THSD7A: variants seen among roughly 807,000 people sequenced by gnomAD.
THSD7A encodes thrombospondin type 1 domain containing 7A, also known as thrombospondin type-1 domain-containing protein 7A.
THSD7A carries 96 observed loss-of-function variants against 231.3 expected under a neutral mutation model. The observed-to-expected ratio is 0.41, with a 90% confidence interval of 0.35 to 0.49. THSD7A has a LOEUF of 0.49. Among genes scored for constraint, THSD7A ranks in the 20% least tolerant of loss-of-function variants. THSD7A has a pLI of 0.05. For synonymous variants in THSD7A, 940 were observed against 743.3 expected (o/e 1.26, Z -4.30); for missense variants, 2,290 against 2,070.2 (o/e 1.11, Z -2.06).
intron 23 of THSD7A, among the ~76,000 whole-genome samples, chr7:11,387,130 G>T (rs980576715): frequency 5.3e-5 from 8 of 152,122 alleles, no homozygotes; most frequent in Non-Finnish European, 8.8e-5. Flanking sequence ...AGTATGGTTT[G>T]AAGTCAGGTA....
intron 2 of THSD7A, among the ~76,000 whole-genome samples, chr7:11,607,246 G>A (rs1027058862): frequency 3.9e-5 from 6 of 152,184 alleles, no homozygotes; most frequent in African/African-American, 1.4e-4. Context: ...CAATACTAAT[G>A]AATGGGGTAG....
chr7:11,650,848 T>C (rs1055175270), intron 1 of THSD7A, among the ~76,000 whole-genome samples: 7 of 151,828 alleles, frequency 4.6e-5, no homozygotes, highest in African/African-American at 1.7e-4. Context: ...TTTCTAAAAA[T>C]GCTTTCTTCT....
chr7:11,641,051 A>T (rs1482091099), intron 1 of THSD7A, among the ~76,000 whole-genome samples: 1 of 152,142 alleles, frequency 6.6e-6, no homozygotes, highest in African/African-American at 2.4e-5. Flanking sequence ...CACTTAATTT[A>T]AAATTACCAT....
intron 1 of THSD7A, among the ~76,000 whole-genome samples, chr7:11,691,433 T>C (rs1279516466): frequency 6.6e-6 from 1 of 151,402 alleles, no homozygotes; most frequent in African/African-American, 2.4e-5. Flanking sequence ...AATAAGAGTA[T>C]AAACTAATAG....
chr7:11,408,057 G>A (rs1783647169), intron 19 of THSD7A, among the ~76,000 whole-genome samples: 2 of 152,224 alleles, frequency 1.3e-5, no homozygotes, highest in South Asian at 4.1e-4. Flanking sequence ...TTATGTTGGT[G>A]TCAAACCTTC....
intron 1 of THSD7A, among the ~76,000 whole-genome samples, chr7:11,806,473 G>C (rs1308990946): frequency 6.6e-6 from 1 of 152,112 alleles, no homozygotes; most frequent in Non-Finnish European, 1.5e-5. Context: ...TTAGTCTACA[G>C]AGCTTAAAAG....
intron 1 of THSD7A, among the ~76,000 whole-genome samples, chr7:11,683,541 A>G (rs1298822087): frequency 6.6e-6 from 1 of 152,084 alleles, no homozygotes; most frequent in Non-Finnish European, 1.5e-5. Flanking sequence ...CAAAAATGAC[A>G]TTACAACCAA....
chr7:11,636,419 G>T lies in THSD7A; in HGVS notation c.733C>A (p.Pro245Thr). Reference sequence around the variant, plus strand: ...TACCTGAGCTCCTCGGCCTCGCATGGACTGGATTGGCACACCTGGAACTCC... The same window carrying T: ...TACCTGAGCTCCTCGGCCTCGCATGTACTGGATTGGCACACCTGGAACTCC... ...LTEFQVCQSS[P>T]CEAEELRYSL... Residue 245 changes from proline (P) to threonine (T), a missense_variant, in exon 2 of 28, where the codon CCA becomes ACA. Transcript: ENST00000423059. This position sits in a 1 kb window ranked among gnomAD's most constrained non-coding sequence, Gnocchi z 10.0. 3 of 1,613,672 alleles carry T rather than the reference G, an allele frequency of 1.9e-6. No individual in the cohort carries two copies. Among genetic ancestry groups the T allele is most frequent in the Non-Finnish European group, 2.5e-6 (3 of 1,179,854 alleles).
At chr7:11,582,563 CCTT>C (rs1364922751) in intron 4 of THSD7A, among the ~76,000 whole-genome samples, 2 of 151,962 alleles carry the variant, frequency 1.3e-5, no homozygotes. Context: ...GGTTTGATTT[CCTT>C]CTTCTTAAAT....
chr7:11,772,614 G>T (rs113194120), intron 1 of THSD7A, among the ~76,000 whole-genome samples: 1 of 152,080 alleles, frequency 6.6e-6, no homozygotes, highest in Non-Finnish European at 1.5e-5. Context: ...ATGCAGAAAT[G>T]GAAAACCACA....
chr7:11,477,922 A>G (rs1394930116), intron 7 of THSD7A, among the ~76,000 whole-genome samples: 1 of 152,180 alleles, frequency 6.6e-6, no homozygotes, highest in African/African-American at 2.4e-5. Context: ...GCACACTTAC[A>G]TTGATGTTTA....
At chr7:11,624,625 G>A (rs1781421885) in intron 2 of THSD7A, among the ~76,000 whole-genome samples, 1 of 152,044 alleles carries the variant, frequency 6.6e-6, no homozygotes. Context: ...TATAGGTACA[G>A]TCCTTCTCTC....
intron 6 of THSD7A, among the ~76,000 whole-genome samples, chr7:11,519,858 T>G (rs1160537993): frequency 2.6e-5 from 4 of 152,198 alleles, no homozygotes; most frequent in African/African-American, 9.7e-5. Flanking sequence ...AGCATGCAAA[T>G]CCTTCTATAC....
intron 6 of THSD7A, among the ~76,000 whole-genome samples, chr7:11,497,938 T>C (rs1427302902): frequency 6.6e-6 from 1 of 152,078 alleles, no homozygotes; most frequent in Non-Finnish European, 1.5e-5. Context: ...CCACAGATCT[T>C]TGCAACCCTT....
At chr7:11,415,180 T>A (rs1474214267) in intron 17 of THSD7A, among the ~76,000 whole-genome samples, 1 of 152,212 alleles carries the variant, frequency 6.6e-6, no homozygotes, top group African/African-American at 2.4e-5. Flanking sequence ...TAAAGGAAAG[T>A]TTTTAAAAAA....
At chr7:11,549,065 C>T (rs1218103147) in intron 4 of THSD7A, among the ~76,000 whole-genome samples, 2 of 151,752 alleles carry the variant, frequency 1.3e-5, no homozygotes, top group Non-Finnish European at 2.9e-5. Context: ...GAAAAAAAAC[C>T]CCATTAAAAA....
intron 1 of THSD7A, among the ~76,000 whole-genome samples, chr7:11,669,109 G>A (rs936408980): frequency 6.6e-6 from 1 of 152,048 alleles, no homozygotes; most frequent in African/African-American, 2.4e-5. Context: ...GAGGGTCTCT[G>A]CTATAGAAAT....
chr7:11,558,499 G>GT (rs1789941213), intron 4 of THSD7A, among the ~76,000 whole-genome samples: 1 of 152,084 alleles, frequency 6.6e-6, no homozygotes, highest in Non-Finnish European at 1.5e-5. Flanking sequence ...AGAACTTTCT[G>GT]TTTTAATGGG....
intron 4 of THSD7A, among the ~76,000 whole-genome samples, chr7:11,575,770 T>C (rs1000936166): frequency 1.3e-5 from 2 of 152,220 alleles, no homozygotes; most frequent in Non-Finnish European, 2.9e-5. Flanking sequence ...CCGCCACTTA[T>C]TACCCTTTAC....
Sources: gnomAD v4.1 joint callset for allele counts (sites outside exome capture counted in the v4.1 genomes callset) on GRCh38, gnomAD v4.1.1 for gene constraint, Gnocchi (gnomAD v3.1) non-coding constraint, MANE v1.5 for transcripts, NCBI Gene and HGNC (gene_info 2026-07-23, HGNC 2026-07-21) for gene names.